The following FDFT1 variants were observed in gnomAD, a reference collection of about 807,000 sequenced individuals.
The protein encoded by FDFT1 is squalene synthase.
In FDFT1, 68 loss-of-function variants were observed where a neutral mutation model predicts 46.8. That is an observed-to-expected ratio of 1.45 (90% CI 1.19 to 1.78). The LOEUF is 1.78. FDFT1 is among the 40% of genes most tolerant of loss of function. The probability of loss-of-function intolerance (pLI) is 0.00; values close to 1 mark genes in which losing one functional copy is unlikely to be tolerated. For synonymous variants in FDFT1, 351 were observed against 185.1 expected, an observed-to-expected ratio of 1.90 and a Z score of -7.28; for missense variants, 928 against 524.4, an observed-to-expected ratio of 1.77 and a Z score of -7.52.
intron 7 of FDFT1, among the ~76,000 whole-genome samples, chr8:11,835,515 C>T (rs966440718): frequency 5.3e-5 from 8 of 152,332 alleles, no homozygotes; most frequent in Admixed American, 1.3e-4. Context: ...ATTCACCTTA[C>T]TTATCTCCTG....
At position 11,803,199 on chromosome 8, in the gene FDFT1, C is replaced by A. The variant is rs191089765; in HGVS notation, c.99+268C>A. On this transcript the variant is annotated intron_variant, in intron 1 of 7. Coordinates refer to ENST00000220584, the MANE Select transcript of FDFT1 (RefSeq NM_004462.5). ...CCGGTGGTTGCGCTCCCCGTTTCGT[C>A]CCCTCCGTGAGCATCGGCGCTTACC... The A allele has an allele frequency of 1.8e-5, 25 of 1,408,452 alleles. No individual in the cohort carries two copies. The Admixed American group carries it at 3.6e-4, about 20-fold the overall frequency. 87.2% of individuals were successfully genotyped at this position (1,408,452 alleles called of 1,614,324 possible). A position where few individuals can be genotyped will look rare whatever the true frequency, so the allele number is the denominator to read the frequency against.
At chr8:11,828,239 G>C (rs942777558) in intron 5 of FDFT1, among the ~76,000 whole-genome samples, 1 of 152,108 alleles carries the variant, frequency 6.6e-6, no homozygotes, top group Non-Finnish European at 1.5e-5. Flanking sequence ...AGTGAACCAT[G>C]ATCGCACCAC....
intron 1 of FDFT1, among the ~76,000 whole-genome samples, chr8:11,796,913 G>A (rs548118634): frequency 6.6e-6 from 1 of 152,382 alleles, no homozygotes; most frequent in East Asian, 1.9e-4. Flanking sequence ...TTTTCCTGCA[G>A]AGTAGGGCTG....
intron 3 of FDFT1, among the ~76,000 whole-genome samples, chr8:11,817,061 T>C (rs1199032059): frequency 6.6e-6 from 1 of 152,258 alleles, no homozygotes; most frequent in Non-Finnish European, 1.5e-5. Context: ...TCTAGTTTAC[T>C]GAGAGTTTTT....
intron 3 of FDFT1, among the ~76,000 whole-genome samples, chr8:11,813,113 G>T (rs954468453): frequency 6.6e-6 from 1 of 152,278 alleles, no homozygotes; most frequent in African/African-American, 2.4e-5. Flanking sequence ...GTAAGTATTT[G>T]TGTATTTAAA....
chr8:11,833,398 C>T (rs541515079), intron 7 of FDFT1, among the ~76,000 whole-genome samples: 10 of 152,304 alleles, frequency 6.6e-5, no homozygotes, highest in African/African-American at 2.4e-4. Flanking sequence ...TGGAATCCTG[C>T]TATATTAAGC....
At chr8:11,837,736 AT>A (rs1362865933) in intron 7 of FDFT1, among the ~76,000 whole-genome samples, 2 of 151,936 alleles carry the variant, frequency 1.3e-5, no homozygotes, top group Non-Finnish European at 2.9e-5. Context: ...AGACAGGTAG[AT>A]TTGGGAATTT....
chr8:11,803,560 C>A (rs1585850621), intron 1 of FDFT1: 2 of 1,026,288 alleles, frequency 1.9e-6, no homozygotes, highest in South Asian at 1.7e-5. Context: ...TGCCTCATGC[C>A]TGTACTATTT....
intron 3 of FDFT1, among the ~76,000 whole-genome samples, chr8:11,819,529 G>A (rs1019660530): frequency 2.0e-5 from 3 of 151,992 alleles, no homozygotes; most frequent in African/African-American, 7.3e-5. Flanking sequence ...ATTTATTGAA[G>A]CCTTTGTTCA....
intron 4 of FDFT1, among the ~76,000 whole-genome samples, chr8:11,825,122 C>A (rs929375929): frequency 4.6e-5 from 7 of 152,178 alleles, no homozygotes; most frequent in Non-Finnish European, 7.3e-5. Flanking sequence ...GCCTGCGGAT[C>A]TTGACATGTT....
intron 1 of FDFT1, among the ~76,000 whole-genome samples, chr8:11,806,578 G>C (rs1365713296): frequency 1.3e-5 from 2 of 152,032 alleles, no homozygotes; most frequent in East Asian, 3.9e-4. Flanking sequence ...TAAATCTAGG[G>C]GGACCGTGTC....
At chr8:11,831,388 GA>G in intron 6 of FDFT1, 129 bp from the exon 7 acceptor site, 1 of 732,028 alleles carries the variant, frequency 1.4e-6, no homozygotes, top group Non-Finnish European at 2.3e-6. Context: ...ATTTTTTCTT[GA>G]GCGATTCCAT....
At chr8:11,798,388 C>T (rs917474326), upstream of FDFT1, among the ~76,000 whole-genome samples, 4 of 152,168 alleles carry the variant, frequency 2.6e-5, no homozygotes, top group Admixed American at 2.0e-4. Flanking sequence ...AATAACTCTA[C>T]CTGCCATATG....
intron 7 of FDFT1, chr8:11,831,912 C>T (rs1205192190): frequency 1.0e-5 from 4 of 385,728 alleles, no homozygotes; most frequent in Non-Finnish European, 1.9e-5. Flanking sequence ...AGGTTGGAGC[C>T]CCTCAGTAGA....
In FDFT1 at chr8:11,838,573, G is replaced by A. The variant is rs780209110; in HGVS notation, c.1218G>A (p.Gln406=). The change falls in exon 8 of 8, where the codon CAG becomes CAA. Residue 406 remains glutamine (Q), a synonymous_variant. Coordinates refer to ENST00000220584, the MANE Select transcript of FDFT1 (RefSeq NM_004462.5). The part of the protein sequence containing the change: ...LSWQYLTTLS[Q]VTEDYVQTGE... ...GGCAGTACCTGACCACTCTCTCCCA[G>A]GTAACAGAAGACTATGTTCAGACTG... 36 of 1,613,828 alleles carry A rather than the reference G, an allele frequency of 2.2e-5. No individual in the cohort carries two copies. The East Asian group carries it at 7.6e-4, about 34-fold the overall frequency.
At chr8:11,816,353 T>C (rs930327312) in intron 3 of FDFT1, among the ~76,000 whole-genome samples, 24 of 152,352 alleles carry the variant, frequency 1.6e-4, no homozygotes, top group African/African-American at 5.3e-4. Context: ...CTATGCAGGC[T>C]CTTTTTTGCT....
chr8:11,832,587 C>G (rs541103244), intron 7 of FDFT1, among the ~76,000 whole-genome samples: 1 of 92,854 alleles, frequency 1.1e-5, no homozygotes, highest in African/African-American at 3.2e-5. Context: ...GTCTTAGAGA[C>G]CAGAAGTCTT....
Position 11,809,750 on chromosome 8 carries a change from T to C in FDFT1, c.281T>C (p.Val94Ala). 1.9e-6 allele frequency: 3 copies of C among 1,614,062 alleles called. No individual in the cohort carries two copies. Among genetic ancestry groups the C allele is most frequent in the Non-Finnish European group, 2.5e-6 (3 of 1,179,930 alleles). Residue 94 changes from valine (V) to alanine (A), a missense_variant, in exon 3 of 8, where the codon GTC becomes GCC. Coordinates refer to ENST00000220584, the MANE Select transcript of FDFT1 (RefSeq NM_004462.5). ...DDMTISVEKK[V>A]PLLHNFHSFL... ...ATGACCATCAGTGTGGAAAAGAAGG[T>C]CCCGCTGTTACACAACTTTCACTCT...
rs768848871 is a variant in FDFT1, at chr8:11,826,063, T to C, written c.550T>C (p.Ser184Pro). The change falls in exon 5 of 8, where the codon TCC (serine) becomes CCC (proline). Residue 184 changes from serine (S) to proline (P), a missense_variant. Transcript: ENST00000220584. ...YVAGLVGIGL[S>P]RLFSASEFED... ...TGCTGGGCTGGTCGGAATTGGCCTTTCCCGTCTTTTCTCAGCCTCAGAGTT... is the reference window on the plus strand; with the variant it reads ...TGCTGGGCTGGTCGGAATTGGCCTTCCCCGTCTTTTCTCAGCCTCAGAGTT... 1 of 1,605,050 alleles carries C rather than the reference T, an allele frequency of 6.2e-7. No individual in the cohort carries two copies. The highest frequency in any genetic ancestry group is 1.3e-5 in the African/African-American group (1 of 74,816).
Sources: allele counts gnomAD v4.1 joint callset (sites outside exome capture counted in the v4.1 genomes callset), GRCh38; gene constraint gnomAD v4.1.1; transcripts MANE v1.5; gene names NCBI Gene and HGNC (gene_info 2026-07-23, HGNC 2026-07-21).